The following PCDH9 variants were observed in gnomAD, a reference collection of about 807,000 sequenced individuals.
PCDH9 encodes the protein protocadherin-9.
Under a neutral mutation model 70.6 loss-of-function variants are expected in PCDH9, and 24 were observed. The observed-to-expected ratio is 0.34, with a 90% CI of 0.25 to 0.48. PCDH9 has a LOEUF of 0.48. Among genes scored for constraint, PCDH9 ranks in the 20% least tolerant of loss-of-function variants. The pLI is 0.99. For synonymous variants in PCDH9, 562 were observed against 558.5 expected (o/e 1.01, Z -0.09); for missense variants, 1,281 against 1,503.6 (o/e 0.85, Z 2.45).
chr13:67,218,914 C>G (rs1247822883), intron 2 of PCDH9: 1 of 151,940 alleles, frequency 6.6e-6, no homozygotes, highest in Non-Finnish European at 1.5e-5. Flanking sequence ...TTATGGCACT[C>G]TAATCAATCA....
At chr13:66,474,545 A>G (rs911658116) in intron 4 of PCDH9, among the ~76,000 whole-genome samples, 1 of 152,158 alleles carries the variant, frequency 6.6e-6, no homozygotes, top group African/African-American at 2.4e-5. Flanking sequence ...TATTAAGTAA[A>G]CTAAAAATCA....
At chr13:66,691,695 AT>A (rs1230107214) in intron 3 of PCDH9, among the ~76,000 whole-genome samples, 1 of 152,142 alleles carries the variant, frequency 6.6e-6, no homozygotes, top group African/African-American at 2.4e-5. Context: ...GAACCCACGT[AT>A]TTTTTACCTA....
chr13:66,685,667 T>A (rs1319182408), intron 3 of PCDH9, among the ~76,000 whole-genome samples: 2 of 152,104 alleles, frequency 1.3e-5, no homozygotes, highest in Non-Finnish European at 2.9e-5. Flanking sequence ...TGCAAGCATA[T>A]AAATGAAGGA....
At chr13:66,974,516 G>C (rs1289518552) in intron 2 of PCDH9, among the ~76,000 whole-genome samples, 1 of 151,978 alleles carries the variant, frequency 6.6e-6, no homozygotes, top group African/African-American at 2.4e-5. Flanking sequence ...TTATAGCCCA[G>C]AGTTGAGGGG....
At chr13:66,825,750 T>A (rs1566220527) in intron 3 of PCDH9, among the ~76,000 whole-genome samples, 1 of 152,192 alleles carries the variant, frequency 6.6e-6, no homozygotes, top group Non-Finnish European at 1.5e-5. Context: ...ATGATAAAAT[T>A]CTAGTTTCTC....
chr13:66,861,601 A>G (rs1458222059), intron 3 of PCDH9, among the ~76,000 whole-genome samples: 10 of 152,194 alleles, frequency 6.6e-5, no homozygotes, highest in Admixed American at 6.5e-4. Flanking sequence ...TTCATATTTA[A>G]TAACGTAGTC....
At chr13:67,076,866 T>C (rs2085888223) in intron 2 of PCDH9, among the ~76,000 whole-genome samples, 1 of 152,198 alleles carries the variant, frequency 6.6e-6, no homozygotes, top group Non-Finnish European at 1.5e-5. Context: ...ATATGTTTAT[T>C]ACCATTGCTA....
At chr13:67,215,523 G>A (rs1013716982) in intron 2 of PCDH9, 1 of 152,078 alleles carries the variant, frequency 6.6e-6, no homozygotes, top group African/African-American at 2.4e-5. Flanking sequence ...AGGTTGGGGT[G>A]AAGAGGCTTG....
intron 2 of PCDH9, chr13:67,216,055 A>T (rs1240547154): frequency 6.6e-6 from 1 of 152,194 alleles, no homozygotes; most frequent in Non-Finnish European, 1.5e-5. Flanking sequence ...ACACAGTATC[A>T]GCTGGAGAGG....
intron 2 of PCDH9, chr13:67,214,935 G>GATAGATATATATATAT (rs1555321190): frequency 2.2e-5 from 2 of 89,290 alleles, no homozygotes; most frequent in Non-Finnish European, 4.7e-5. Context: ...TTGCGAGCCA[G>GATAGATATATATATAT]ATATATATAT....
chr13:66,330,585 G>T (rs1482509938), intron 4 of PCDH9, among the ~76,000 whole-genome samples: 1 of 152,080 alleles, frequency 6.6e-6, no homozygotes. Flanking sequence ...TGTAATTTGT[G>T]TGGGGGTGGG....
At chr13:66,824,688 A>ATG (rs1566219461) in intron 3 of PCDH9, among the ~76,000 whole-genome samples, 8 of 57,878 alleles carry the variant, frequency 1.4e-4, no homozygotes, top group African/African-American at 3.4e-4. Context: ...ATATATATAT[A>ATG]TATATATATG....
chr13:67,040,553 C>T (rs755265021), intron 2 of PCDH9, among the ~76,000 whole-genome samples: 1 of 152,150 alleles, frequency 6.6e-6, no homozygotes, highest in Non-Finnish European at 1.5e-5. Flanking sequence ...CTCATCAGAA[C>T]CCAACCAGGC....
intron 4 of PCDH9, among the ~76,000 whole-genome samples, chr13:66,469,050 T>G (rs753652621): frequency 1.3e-5 from 2 of 152,156 alleles, no homozygotes; most frequent in African/African-American, 4.8e-5. Context: ...TGTGTGTGTG[T>G]GGGACCTAAT....
chr13:66,999,745 CT>C (rs1482448338), intron 2 of PCDH9, among the ~76,000 whole-genome samples: 5 of 152,048 alleles, frequency 3.3e-5, no homozygotes, highest in East Asian at 3.9e-4. Flanking sequence ...CTCACCATCA[CT>C]GGCCATCAGA....
Position 66,740,286 on chromosome 13 carries a change from A to C in PCDH9, c.3139-108875T>G, listed in dbSNP as rs1449151828. On this transcript the variant is annotated intron_variant, in intron 3 of 4. Transcript: ENST00000377865. ...AGGCAGAAATAAAGATGTTCTTTGA[A>C]ACCAACGAGAACAAAGACACAACAT... Among the ~76,000 whole-genome samples, 19 of 120,278 alleles carry C rather than the reference A, an allele frequency of 1.6e-4. 1 individual carries two copies. In the East Asian group the frequency reaches 4.5e-3, roughly 29 times the overall value. 78.9% of individuals were successfully genotyped at this position (120,278 alleles called of 152,430 possible).
chr13:67,036,199 AT>A (rs568272015), intron 2 of PCDH9, among the ~76,000 whole-genome samples: 1 of 152,104 alleles, frequency 6.6e-6, no homozygotes, highest in Non-Finnish European at 1.5e-5. Context: ...GTAGGAAGAG[AT>A]TTTTTTGTTG....
chr13:66,550,360 A>T (rs1482497053), intron 4 of PCDH9, among the ~76,000 whole-genome samples: 1 of 152,094 alleles, frequency 6.6e-6, no homozygotes. Flanking sequence ...TTTCTCAGAA[A>T]CAAATGAGAT....
intron 2 of PCDH9, among the ~76,000 whole-genome samples, chr13:67,028,403 C>A (rs2084833172): frequency 8.8e-6 from 1 of 113,572 alleles, no homozygotes; most frequent in Non-Finnish European, 1.7e-5. Context: ...GAACATCACA[C>A]TCTGGGAACT....
Sources: gnomAD v4.1 joint callset for allele counts (sites outside exome capture counted in the v4.1 genomes callset) on GRCh38, gnomAD v4.1.1 for gene constraint, MANE v1.5 for transcripts, NCBI Gene and HGNC (gene_info 2026-07-23, HGNC 2026-07-21) for gene names.